The following ENPP3 variants were observed in gnomAD, a reference collection of about 807,000 sequenced individuals.
ENPP3 encodes ectonucleotide pyrophosphatase/phosphodiesterase family member 3.
A neutral mutation model predicts 117.8 loss-of-function variants in ENPP3; 104 were observed. That is an observed-to-expected ratio of 0.88 (90% CI 0.75 to 1.04). The LOEUF (loss-of-function observed/expected upper bound fraction) is 1.04, where lower values mean the gene tolerates loss of function less well. ENPP3 is among the 50% of genes least tolerant of loss of function. ENPP3 has a pLI of 0.00. For missense variants in ENPP3, 1,026 were observed against 1,051.9 expected, an observed-to-expected ratio of 0.98 and a Z score of 0.34; for synonymous variants, 380 against 349.9, an observed-to-expected ratio of 1.09 and a Z score of -0.96.
intron 15 of ENPP3, chr6:131,710,783 C>G: frequency 6.2e-7 from 1 of 1,613,290 alleles, no homozygotes; most frequent in Non-Finnish European, 8.5e-7. Context: ...AGCGTTGCAC[C>G]AAGTTTTTGC....
At chr6:131,733,843 A>C (rs1185852294) in intron 21 of ENPP3, 120 bp downstream of exon 21, 4 of 1,007,338 alleles carry the variant, frequency 4.0e-6, no homozygotes, top group Non-Finnish European at 1.5e-6. Flanking sequence ...TAGCTGCCTG[A>C]GAGGCTTCCA....
chr6:131,686,068 A>G (rs1375528661), intron 14 of ENPP3, among the ~76,000 whole-genome samples, 161 bp downstream of exon 14: 2 of 152,164 alleles, frequency 1.3e-5, no homozygotes, highest in Admixed American at 6.5e-5. Context: ...AGTTGCTTTT[A>G]TCTTAGTTGT....
In ENPP3 at chr6:131,683,226, C is replaced by G. The variant is rs1267019988; in HGVS notation, c.1120+64C>G. The G allele has an allele frequency of 9.0e-6, 8 of 892,660 alleles. No individual in the cohort carries two copies. The East Asian group carries it at 2.0e-4, about 22-fold the overall frequency. The allele number at this position is 892,660 out of a possible 1,614,324, so 55.3% of individuals were successfully genotyped here. Reference sequence around the variant, plus strand: ...ATAATTTATCACTTCAGAAATCATACACAAATAATAGTGATATTTTAAAAT... The same window carrying G: ...ATAATTTATCACTTCAGAAATCATAGACAAATAATAGTGATATTTTAAAAT... On this transcript the variant is annotated intron_variant, in intron 12 of 24. Transcript: ENST00000357639.
In ENPP3 at chr6:131,737,363, A is replaced by G; in HGVS notation, c.2098A>G (p.Arg700Gly). Residue 700 changes from arginine (R) to glycine (G), a missense_variant, in exon 22 of 25, where the codon AGA (arginine) becomes GGA (glycine). Arg to Gly is a moderately radical substitution (Grantham distance 125). Transcript: ENST00000357639. ...HGFLYPPASNRTSDSQYDALI... is the reference protein window; with the variant it reads ...HGFLYPPASNGTSDSQYDALI... ...ATCCATTTGTTTTGCAGCCAGCAATAGAACATCAGATAGCCAATATGATGC... is the reference window on the plus strand; with the variant it reads ...ATCCATTTGTTTTGCAGCCAGCAATGGAACATCAGATAGCCAATATGATGC... The G allele has an allele frequency of 1.9e-6, 3 of 1,607,746 alleles. No individual in the cohort carries two copies. Among genetic ancestry groups the G allele is most frequent in the Non-Finnish European group, 2.6e-6 (3 of 1,175,508 alleles).
At chr6:131,680,820 A>G (rs1779007505) in intron 11 of ENPP3, among the ~76,000 whole-genome samples, 1 of 152,186 alleles carries the variant, frequency 6.6e-6, no homozygotes, top group South Asian at 2.1e-4. Context: ...TGGTTGGGTG[A>G]GAGTTGGGAA....
chr6:131,723,985 C>A, intron 18 of ENPP3, 55 bp from the exon 19 acceptor site: 1 of 1,272,506 alleles, frequency 7.9e-7, no homozygotes, highest in Non-Finnish European at 1.1e-6. Context: ...CCTTAAAACA[C>A]ATATTGTTGC....
chr6:131,727,800 A>G (rs1294796963), intron 20 of ENPP3, among the ~76,000 whole-genome samples: 1 of 152,218 alleles, frequency 6.6e-6, no homozygotes, highest in Admixed American at 6.5e-5. Flanking sequence ...GTTTCTGTAG[A>G]GAAAATCTTA....
At chr6:131,724,189 C>T in intron 19 of ENPP3, 98 bp downstream of exon 19, 1 of 668,846 alleles carries the variant, frequency 1.5e-6, no homozygotes, top group Non-Finnish European at 2.3e-6. Flanking sequence ...GACAGAGGTT[C>T]CTGAACATAA....
chr6:131,683,231 A>T (rs1490949867), intron 12 of ENPP3, 69 bp downstream of exon 12: 7 of 838,934 alleles, frequency 8.3e-6, no homozygotes, highest in Non-Finnish European at 1.4e-5. Context: ...TCATACACAA[A>T]TAATAGTGAT....
At position 131,637,362 on chromosome 6, in the gene ENPP3, A is replaced by C; in HGVS notation, c.-23A>C. 6.7e-7 allele frequency: 1 copy of C among 1,499,970 alleles called. No individual in the cohort carries two copies. Among genetic ancestry groups the C allele is most frequent in the South Asian group, 1.3e-5 (1 of 77,308 alleles). 92.9% of individuals were successfully genotyped at this position (1,499,970 alleles called of 1,614,324 possible). A position where few individuals can be genotyped will look rare whatever the true frequency, so the allele number is the denominator to read the frequency against. On this transcript the variant is annotated 5_prime_UTR_variant, in exon 1 of 25. Coordinates refer to ENST00000357639, the MANE Select transcript of ENPP3 (RefSeq NM_005021.5). Reference sequence around the variant, plus strand: ...GAGCACTAATTTATTCTGATAAAACAGGTCTATGCAGCTACCAGGACAATG... The same window carrying C: ...GAGCACTAATTTATTCTGATAAAACCGGTCTATGCAGCTACCAGGACAATG...
At chr6:131,658,153 CAAA>C (rs199850108) in intron 5 of ENPP3, among the ~76,000 whole-genome samples, 167 bp from the exon 6 acceptor site, 8 of 83,744 alleles carry the variant, frequency 9.6e-5, no homozygotes, top group Admixed American at 1.3e-4. Flanking sequence ...AACTGTGTCT[CAAA>C]AAAAAAAAAA....
At chr6:131,674,457 TG>T in intron 8 of ENPP3, 176 bp downstream of exon 8, 1 of 653,122 alleles carries the variant, frequency 1.5e-6, no homozygotes, top group East Asian at 2.8e-5. Context: ...CATTTATGGT[TG>T]TTAACTCAAA....
intron 24 of ENPP3, among the ~76,000 whole-genome samples, chr6:131,743,216 G>A (rs1421516827): frequency 6.6e-6 from 1 of 152,022 alleles, no homozygotes; most frequent in African/African-American, 2.4e-5. Context: ...TTTGTTTTGA[G>A]AAGGATGGAT....
intron 15 of ENPP3, among the ~76,000 whole-genome samples, chr6:131,696,424 G>A (rs1214678820): frequency 6.6e-6 from 1 of 152,196 alleles, no homozygotes; most frequent in Non-Finnish European, 1.5e-5. Context: ...GAATGTCAAG[G>A]AGCATCAGAG....
At chr6:131,675,364 C>G in intron 9 of ENPP3, 175 bp downstream of exon 9, 1 of 565,040 alleles carries the variant, frequency 1.8e-6, no homozygotes, top group Non-Finnish European at 3.2e-6. Context: ...ATGCTTTTGG[C>G]TGTAATTAAA....
intron 7 of ENPP3, among the ~76,000 whole-genome samples, chr6:131,672,796 G>T (rs571978903): frequency 2.6e-5 from 4 of 151,604 alleles, no homozygotes; most frequent in African/African-American, 9.7e-5. Context: ...ACATAAAAAT[G>T]TTCTAAAATA....
chr6:131,717,880 A>G (rs937618368), intron 15 of ENPP3, among the ~76,000 whole-genome samples: 1 of 152,150 alleles, frequency 6.6e-6, no homozygotes, highest in Non-Finnish European at 1.5e-5. Context: ...CTATGTTTAC[A>G]TGTGCTTAGA....
chr6:131,697,273 T>C (rs1324029963), intron 15 of ENPP3, among the ~76,000 whole-genome samples: 1 of 151,982 alleles, frequency 6.6e-6, no homozygotes, highest in Non-Finnish European at 1.5e-5. Context: ...AAGTAGGCTG[T>C]TGGTAGATAC....
In ENPP3 at chr6:131,679,026, C is replaced by CTTCTTTCT. The variant is rs1188919565; in HGVS notation, c.1011+1141_1011+1148dup. ...GCTTCCTTCCTTCCTTCCTTCCTTC[C>CTTCTTTCT]TTCTTTCTTTCTTTCTTTCTTTCTT... On this transcript the variant is annotated intron_variant, in intron 11 of 24. Coordinates refer to ENST00000357639, the MANE Select transcript of ENPP3 (RefSeq NM_005021.5). 9.3e-3 allele frequency among the ~76,000 whole-genome samples: 445 copies of CTTCTTTCT among 47,812 alleles called. 18 individuals carry two copies. The highest frequency in any genetic ancestry group is 0.046 in the Middle Eastern group (5 of 108). 31.4% of individuals were successfully genotyped at this position (47,812 alleles called of 152,430 possible).
Sources: allele counts gnomAD v4.1 joint callset (sites outside exome capture counted in the v4.1 genomes callset), GRCh38; gene constraint gnomAD v4.1.1; transcripts MANE v1.5; gene names NCBI Gene and HGNC (gene_info 2026-07-23, HGNC 2026-07-21).